The following DPP6 variants were observed in gnomAD, a reference collection of about 807,000 sequenced individuals.
DPP6 encodes dipeptidyl peptidase like 6.
A neutral mutation model predicts 122.6 loss-of-function variants in DPP6; 69 were observed. That is an observed-to-expected ratio of 0.56 (90% CI 0.46 to 0.69). The LOEUF (loss-of-function observed/expected upper bound fraction) is 0.69, where lower values mean the gene tolerates loss of function less well. DPP6 is among the 30% of genes least tolerant of loss of function. The pLI is 0.00. For missense variants in DPP6, 928 were observed against 1,116.9 expected, an observed-to-expected ratio of 0.83 and a Z score of 2.41; for synonymous variants, 418 against 433.1, an observed-to-expected ratio of 0.97 and a Z score of 0.43.
At chr7:153,879,695 A>C in the DPP6 span, among the ~76,000 whole-genome samples, 4 of 152,194 alleles carry the variant, frequency 2.6e-5, no homozygotes, top group Non-Finnish European at 5.9e-5. Flanking sequence ...GGTCCAAAAT[A>C]TCTCTTAAAA....
chr7:153,810,532 G>A, the DPP6 span, among the ~76,000 whole-genome samples: 3 of 151,920 alleles, frequency 2.0e-5, no homozygotes, highest in African/African-American at 7.3e-5. Context: ...AATTAGAGGA[G>A]GGAAGAATCA....
intron 12 of DPP6, among the ~76,000 whole-genome samples, chr7:154,796,722 T>G (rs1389093126): frequency 6.6e-6 from 1 of 152,152 alleles, no homozygotes; most frequent in African/African-American, 2.4e-5. Context: ...TTATGGAAAA[T>G]AACTGAAGCT....
chr7:154,860,182 C>T (rs3807277), intron 17 of DPP6, among the ~76,000 whole-genome samples: 128 of 152,162 alleles, frequency 8.4e-4, no homozygotes, highest in African/African-American at 2.6e-3. Context: ...TGCTGCTGGG[C>T]GCACCCCTGC....
chr7:153,931,777 C>T (rs915064505), intron 1 of DPP6, among the ~76,000 whole-genome samples: 2 of 152,154 alleles, frequency 1.3e-5, no homozygotes, highest in African/African-American at 4.8e-5. Flanking sequence ...CATTGTATTT[C>T]AACAGCCTCT....
chr7:154,289,776 T>C (rs1805084992), intron 1 of DPP6, among the ~76,000 whole-genome samples: 1 of 152,288 alleles, frequency 6.6e-6, no homozygotes, highest in Admixed American at 6.5e-5. Context: ...TTATTTGTCA[T>C]TGCCTAACAT....
At chr7:154,499,751 A>C (rs1825064935) in intron 3 of DPP6, among the ~76,000 whole-genome samples, 1 of 150,768 alleles carries the variant, frequency 6.6e-6, no homozygotes, top group South Asian at 2.1e-4. Flanking sequence ...CCACCCACCA[A>C]CCCCCCCAGA....
chr7:154,033,072 A>C (rs1799340666), intron 1 of DPP6, among the ~76,000 whole-genome samples: 1 of 152,076 alleles, frequency 6.6e-6, no homozygotes, highest in South Asian at 2.1e-4. Context: ...TTAAGTCTAC[A>C]TAGTTCCTGG....
chr7:154,012,265 C>G (rs920094849), intron 1 of DPP6, among the ~76,000 whole-genome samples: 1 of 152,110 alleles, frequency 6.6e-6, no homozygotes, highest in African/African-American at 2.4e-5. Flanking sequence ...GATCAAAGAT[C>G]TAAATTAAAA....
At chr7:154,803,605 G>C (rs554518664) in intron 13 of DPP6, among the ~76,000 whole-genome samples, 2 of 152,174 alleles carry the variant, frequency 1.3e-5, no homozygotes, top group Non-Finnish European at 2.9e-5. Context: ...CAAGTGATTC[G>C]CGTCACCAAA....
intron 1 of DPP6, among the ~76,000 whole-genome samples, chr7:154,426,808 TA>T (rs34741334): frequency 0.16 from 17,650 of 109,620 alleles, 1,515 homozygotes; most frequent in African/African-American, 0.28. Flanking sequence ...TACTCTGCCT[TA>T]AAAAAAAAAA....
intron 21 of DPP6, chr7:154,883,749 C>G (rs62649266): frequency 2.4e-5 from 3 of 126,650 alleles, no homozygotes; most frequent in Non-Finnish European, 4.8e-5. Flanking sequence ...ACAAACACGA[C>G]TACATACACC....
intron 5 of DPP6, among the ~76,000 whole-genome samples, chr7:154,584,135 C>T (rs527854938): frequency 3.3e-5 from 5 of 152,348 alleles, no homozygotes; most frequent in African/African-American, 1.2e-4. Flanking sequence ...GCCACGCTGC[C>T]TTCAGGGTGA....
chr7:154,419,635 G>A (rs955828097), intron 1 of DPP6, among the ~76,000 whole-genome samples: 6 of 152,282 alleles, frequency 3.9e-5, no homozygotes, highest in Middle Eastern at 3.4e-3. Context: ...GTTACAGCCC[G>A]AAGCCTGAAG....
At chr7:154,633,338 G>A (rs1835523296) in intron 5 of DPP6, among the ~76,000 whole-genome samples, 1 of 152,180 alleles carries the variant, frequency 6.6e-6, no homozygotes, top group Non-Finnish European at 1.5e-5. Flanking sequence ...CTGGGTTCAA[G>A]TGATTCTTCC....
chr7:154,484,408 G>A (rs1378128489), intron 3 of DPP6, among the ~76,000 whole-genome samples: 2 of 152,206 alleles, frequency 1.3e-5, no homozygotes, highest in Non-Finnish European at 2.9e-5. Flanking sequence ...CTTGGAAATG[G>A]TTTGATAAGC....
chr7:153,898,062 T>G (rs959974607), intron 1 of DPP6, among the ~76,000 whole-genome samples: 1 of 152,224 alleles, frequency 6.6e-6, no homozygotes, highest in Admixed American at 6.5e-5. Flanking sequence ...AGAGGTTGGT[T>G]AGTGGGTACA....
At chr7:154,369,037 C>T (rs2151114828) in intron 1 of DPP6, among the ~76,000 whole-genome samples, 1 of 152,288 alleles carries the variant, frequency 6.6e-6, no homozygotes, top group African/African-American at 2.4e-5. Flanking sequence ...TCCATCAATC[C>T]CATAGGCATT....
chr7:154,284,946 A>T lies in DPP6; in HGVS notation c.244-161268A>T, dbSNP rs139536703. ...CTGTATGAATCCATTTATGTGAAAC[A>T]TCTAGGTTAGCTAACCTCATAGAGA... is the stretch of plus-strand genomic sequence containing the variant. On this transcript the variant is annotated intron_variant, in intron 1 of 25. Coordinates refer to ENST00000377770, the MANE Select transcript of DPP6 (RefSeq NM_130797.4). 4.1e-3 allele frequency among the ~76,000 whole-genome samples: 625 copies of T among 152,320 alleles called. 6 individuals are homozygous for T. The highest frequency in any genetic ancestry group is 0.032 in the East Asian group (164 of 5,170).
At chr7:153,926,958 A>C (rs1800929902) in intron 1 of DPP6, among the ~76,000 whole-genome samples, 1 of 152,144 alleles carries the variant, frequency 6.6e-6, no homozygotes, top group African/African-American at 2.4e-5. Flanking sequence ...CCAAAGTAAA[A>C]GTTTACCTGA....
Sources: gnomAD v4.1 joint callset for allele counts (sites outside exome capture counted in the v4.1 genomes callset) on GRCh38, gnomAD v4.1.1 for gene constraint, MANE v1.5 for transcripts, NCBI Gene and HGNC (gene_info 2026-07-23, HGNC 2026-07-21) for gene names.